Variants in RIMS1 observed in about 807,000 individuals in gnomAD.
RIMS1 encodes regulating synaptic membrane exocytosis protein 1.
RIMS1 carries 83 observed loss-of-function variants against 214.1 expected under a neutral mutation model. The ratio of observed to expected loss-of-function variants is 0.39; its 90% CI spans 0.32 to 0.47. RIMS1 has a LOEUF of 0.47. Among genes scored for constraint, RIMS1 ranks in the 20% least tolerant of loss-of-function variants. The pLI, the probability that RIMS1 is intolerant of heterozygous loss-of-function variation, is 0.99. For synonymous variants in RIMS1, 793 were observed against 786.8 expected (o/e 1.01, Z -0.13); for missense variants, 2,050 against 2,161.8 (o/e 0.95, Z 1.03).
chr6:72,221,302 G>GTA, intron 6 of RIMS1, among the ~76,000 whole-genome samples: 1 of 151,346 alleles, frequency 6.6e-6, no homozygotes, highest in Non-Finnish European at 1.5e-5. Context: ...GTGTGTGTGT[G>GTA]TGTGTGTGTG....
intron 19 of RIMS1, chr6:72,264,121 T>G: frequency 1.7e-6 from 1 of 589,684 alleles, no homozygotes; most frequent in African/African-American, 2.0e-5. Context: ...TTAGGAAGCC[T>G]TTGATAAATG....
chr6:71,916,264 G>A (rs1778385355), intron 1 of RIMS1, among the ~76,000 whole-genome samples: 1 of 152,080 alleles, frequency 6.6e-6, no homozygotes, highest in Non-Finnish European at 1.5e-5. Context: ...TCCCAGGATA[G>A]GTTTTCACTC....
chr6:71,928,593 A>T (rs564353861), intron 1 of RIMS1, among the ~76,000 whole-genome samples: 11 of 152,266 alleles, frequency 7.2e-5, no homozygotes, highest in African/African-American at 2.6e-4. Context: ...TTTCACTCAA[A>T]TAACATTTAT....
chr6:72,182,938 C>T lies in RIMS1; in HGVS notation c.1467C>T (p.Arg489=), dbSNP rs763054842. ...CGGTCCTCATGCGGAAGGCCAAGCG[C>T]GAGAAGGTGGAGACCATGCTGCGGA... is the stretch of plus-strand genomic sequence containing the variant. The part of the protein sequence containing the change: ...SSAVLMRKAK[R]EKVETMLRND... The change falls in exon 6 of 34, where the codon CGC becomes CGT. Residue 489 remains arginine (R), a synonymous_variant. Transcript: ENST00000521978. 1.3e-6 allele frequency: 2 copies of T among 1,588,062 alleles called. No individual in the cohort carries two copies. The highest frequency in any genetic ancestry group is 1.7e-6 in the Non-Finnish European group (2 of 1,168,486).
intron 2 of RIMS1, among the ~76,000 whole-genome samples, chr6:72,020,579 G>C (rs1277614443): frequency 6.6e-6 from 1 of 152,090 alleles, no homozygotes; most frequent in East Asian, 1.9e-4. Context: ...GTCAATTCCT[G>C]CTCTCCTTTT....
At chr6:72,283,983 C>T in intron 23 of RIMS1, 64 bp from the exon 24 acceptor site, 1 of 1,282,542 alleles carries the variant, frequency 7.8e-7, no homozygotes, top group Non-Finnish European at 1.1e-6. Context: ...TTGTGTTTAT[C>T]ATTGTATGAT....
At chr6:72,034,409 A>G (rs1819001512) in intron 2 of RIMS1, among the ~76,000 whole-genome samples, 1 of 152,182 alleles carries the variant, frequency 6.6e-6, no homozygotes, top group African/African-American at 2.4e-5. Context: ...ATTCACAAAT[A>G]CAAGATATTT....
intron 29 of RIMS1, among the ~76,000 whole-genome samples, chr6:72,340,286 T>G (rs1481619325): frequency 1.3e-5 from 2 of 151,860 alleles, no homozygotes; most frequent in Non-Finnish European, 1.5e-5. Flanking sequence ...CTCTTTAGTT[T>G]AATTAGATCC....
intron 6 of RIMS1, among the ~76,000 whole-genome samples, chr6:72,218,085 G>GGTAA (rs1184451131): frequency 1.4e-5 from 2 of 140,914 alleles, no homozygotes; most frequent in Non-Finnish European, 3.0e-5. Flanking sequence ...TAATACAAGA[G>GGTAA]GTAAATACAG....
At chr6:72,173,652 C>T (rs2047332031) in intron 4 of RIMS1, among the ~76,000 whole-genome samples, 1 of 152,044 alleles carries the variant, frequency 6.6e-6, no homozygotes, top group South Asian at 2.1e-4. Flanking sequence ...AAGATATTTC[C>T]TGGAATTATC....
chr6:71,971,065 C>CAAA (rs1561997790), intron 2 of RIMS1, among the ~76,000 whole-genome samples: 1 of 151,912 alleles, frequency 6.6e-6, no homozygotes, highest in Non-Finnish European at 1.5e-5. Context: ...GAGTGCCCCC[C>CAAA]AGGTTAGTAT....
At chr6:72,185,102 A>T (rs932919261) in intron 6 of RIMS1, among the ~76,000 whole-genome samples, 1 of 152,188 alleles carries the variant, frequency 6.6e-6, no homozygotes, top group Non-Finnish European at 1.5e-5. Flanking sequence ...CCAGAACCCC[A>T]TGAGTTCAAC....
chr6:72,035,875 C>T (rs1446079518), intron 2 of RIMS1, among the ~76,000 whole-genome samples: 1 of 152,042 alleles, frequency 6.6e-6, no homozygotes, highest in Non-Finnish European at 1.5e-5. Flanking sequence ...CTCAGTAATA[C>T]TTTTGGACAG....
At chr6:72,119,272 T>C (rs923930876) in intron 4 of RIMS1, among the ~76,000 whole-genome samples, 6 of 151,556 alleles carry the variant, frequency 4.0e-5, no homozygotes, top group Non-Finnish European at 1.5e-5. Context: ...GTAAAAGACC[T>C]GTACAAGGAA....
At position 72,322,686 on chromosome 6, in the gene RIMS1, A is replaced by C. The variant is rs577253151; in HGVS notation, c.4130+9014A>C. ...TTGAGTAGTTTCAATTTTTGAAAGG[A>C]GGGGAAAACACAAGGTAAGTGGTAA... is the stretch of plus-strand genomic sequence containing the variant. On this transcript the variant is annotated intron_variant, in intron 28 of 33. Transcript: ENST00000521978. Among the ~76,000 whole-genome samples, 7 of 152,124 alleles carry C rather than the reference A, an allele frequency of 4.6e-5. No individual in the cohort carries two copies. In the East Asian group the frequency reaches 1.4e-3, roughly 29 times the overall value.
chr6:72,223,059 G>A (rs899675125), intron 6 of RIMS1, among the ~76,000 whole-genome samples: 3 of 152,154 alleles, frequency 2.0e-5, no homozygotes, highest in Non-Finnish European at 2.9e-5. Context: ...CATTTACAGT[G>A]TGCATCTTTA....
chr6:72,126,761 TAAAAAA>T, intron 4 of RIMS1: 12 of 124,078 alleles, frequency 9.7e-5, no homozygotes, highest in South Asian at 1.8e-4. Flanking sequence ...ATTAAAAAGT[TAAAAAA>T]AAAAAAAAAA....
chr6:72,023,583 TTATTTGAGA>T (rs1022851392), intron 2 of RIMS1, among the ~76,000 whole-genome samples: 1 of 152,090 alleles, frequency 6.6e-6, no homozygotes, highest in Non-Finnish European at 1.5e-5. Context: ...AAGTATGATG[TTATTTGAGA>T]TATGGGAGAC....
intron 12 of RIMS1, among the ~76,000 whole-genome samples, chr6:72,249,586 A>G (rs1319446302): frequency 6.6e-6 from 1 of 152,088 alleles, no homozygotes; most frequent in African/African-American, 2.4e-5. Flanking sequence ...GCCTGGCAAC[A>G]TAGCAAGACC....
Sources: gnomAD v4.1 joint callset for allele counts (sites outside exome capture counted in the v4.1 genomes callset) on GRCh38, gnomAD v4.1.1 for gene constraint, MANE v1.5 for transcripts, NCBI Gene and HGNC (gene_info 2026-07-23, HGNC 2026-07-21) for gene names.